The following FOXJ3 variants were observed in gnomAD, a reference collection of about 807,000 sequenced individuals.
The protein encoded by FOXJ3 is forkhead box protein J3.
In FOXJ3, 22 loss-of-function variants were observed where a neutral mutation model predicts 76.1. The ratio of observed to expected loss-of-function variants is 0.29; its 90% CI spans 0.21 to 0.41. The LOEUF (loss-of-function observed/expected upper bound fraction) is 0.41, where lower values mean the gene tolerates loss of function less well. Among genes scored for constraint, FOXJ3 ranks in the 10% least tolerant of loss-of-function variants. The pLI, the probability that FOXJ3 is intolerant of heterozygous loss-of-function variation, is 1.00. For missense variants in FOXJ3, 613 were observed against 762.1 expected, an observed-to-expected ratio of 0.80 and a Z score of 2.30; for synonymous variants, 269 against 261.2, an observed-to-expected ratio of 1.03 and a Z score of -0.29.
At chr1:42,317,558 T>C (rs1411412592) in intron 1 of FOXJ3, among the ~76,000 whole-genome samples, 1 of 141,026 alleles carries the variant, frequency 7.1e-6, no homozygotes, top group African/African-American at 2.6e-5. Flanking sequence ...GGACTGCAGA[T>C]AGCAGCAAGT....
chr1:42,288,592 T>C (rs1274282122), intron 2 of FOXJ3, among the ~76,000 whole-genome samples: 1 of 152,218 alleles, frequency 6.6e-6, no homozygotes, highest in African/African-American at 2.4e-5. Context: ...CAGTTTAAGC[T>C]GCTATATGTG....
At chr1:42,309,336 C>T (rs764843023) in intron 2 of FOXJ3, among the ~76,000 whole-genome samples, 1 of 152,160 alleles carries the variant, frequency 6.6e-6, no homozygotes, top group Non-Finnish European at 1.5e-5. Flanking sequence ...TTCCTGCACT[C>T]CCTCTGTGCC....
chr1:42,179,617 G>A lies in FOXJ3; in HGVS notation c.*93C>T. On this transcript the variant is annotated 3_prime_UTR_variant, in exon 13 of 13. Transcript: ENST00000361346. ...TTTGATAACATTGGTAAAGTGATTA[G>A]CAAGTTTGTTTTCTCAACTGGATTC... is the stretch of plus-strand genomic sequence containing the variant. 1.4e-6 allele frequency: 1 copy of A among 739,740 alleles called. No individual in the cohort carries two copies. Among genetic ancestry groups the A allele is most frequent in the Non-Finnish European group, 2.4e-6 (1 of 423,910 alleles). The allele number at this position is 739,740 out of a possible 1,614,324, so 45.8% of individuals were successfully genotyped here. A position where few individuals can be genotyped will look rare whatever the true frequency, so the allele number is the denominator to read the frequency against.
intron 5 of FOXJ3, among the ~76,000 whole-genome samples, chr1:42,224,471 G>A (rs1317192325): frequency 6.6e-6 from 1 of 152,002 alleles, no homozygotes; most frequent in African/African-American, 2.4e-5. Flanking sequence ...TGGCCAACAT[G>A]ATGAAACCCC....
rs1161062102 is a variant in FOXJ3 at position 42,222,046 on chromosome 1, GAGAAGAAGA to G, written c.528+5828_528+5836del. Among the ~76,000 whole-genome samples, 75 of 9,022 alleles carry G rather than the reference GAGAAGAAGA, an allele frequency of 8.3e-3. 2 individuals are homozygous for G. Among genetic ancestry groups the G allele is most frequent in the Middle Eastern group, 0.12 (1 of 8 alleles). 5.9% of individuals were successfully genotyped at this position (9,022 alleles called of 152,430 possible). A position where few individuals can be genotyped will look rare whatever the true frequency, so the allele number is the denominator to read the frequency against. On this transcript the variant is annotated intron_variant, in intron 5 of 12. Transcript: ENST00000361346. ...GGGGGAGGGGGAGGAGAAGGAGAAG[GAGAAGAAGA>G]AGAAGAAGAAGAAGAAGAAGAAGAA...
At chr1:42,309,018 A>AAAAAAAAAAC (rs1654640650) in intron 2 of FOXJ3, among the ~76,000 whole-genome samples, 1 of 151,520 alleles carries the variant, frequency 6.6e-6, no homozygotes, top group African/African-American at 2.4e-5. Context: ...AAAAAAAAAA[A>AAAAAAAAAAC]TGCTTTTCTA....
At chr1:42,333,654 C>T (rs1656291186) in intron 1 of FOXJ3, among the ~76,000 whole-genome samples, 1 of 151,916 alleles carries the variant, frequency 6.6e-6, no homozygotes, top group Non-Finnish European at 1.5e-5. Context: ...ACTGTTATTG[C>T]GGGAACAATC....
intron 1 of FOXJ3, among the ~76,000 whole-genome samples, chr1:42,312,382 T>G (rs1289720752): frequency 6.6e-6 from 1 of 152,248 alleles, no homozygotes; most frequent in East Asian, 1.9e-4. Flanking sequence ...CTAAATACTA[T>G]GTAGGCCAAA....
intron 1 of FOXJ3, among the ~76,000 whole-genome samples, chr1:42,318,138 T>G (rs920562109): frequency 6.6e-6 from 1 of 152,188 alleles, no homozygotes; most frequent in African/African-American, 2.4e-5. Flanking sequence ...ACTTTATCTC[T>G]AAGCAATTTA....
intron 1 of FOXJ3, among the ~76,000 whole-genome samples, chr1:42,322,995 C>T (rs571085534): frequency 5.3e-5 from 8 of 152,164 alleles, no homozygotes; most frequent in Non-Finnish European, 8.8e-5. Flanking sequence ...ATGTTCTGTT[C>T]TGAACACCAC....
intron 1 of FOXJ3, among the ~76,000 whole-genome samples, chr1:42,329,590 G>C (rs1226438092): frequency 6.6e-6 from 1 of 152,214 alleles, no homozygotes; most frequent in Non-Finnish European, 1.5e-5. Flanking sequence ...AGCTTTAGCT[G>C]TCTCAAGCCA....
At chr1:42,231,798 G>T (rs144617078) in intron 4 of FOXJ3, among the ~76,000 whole-genome samples, 1 of 151,764 alleles carries the variant, frequency 6.6e-6, no homozygotes, top group African/African-American at 2.4e-5. Flanking sequence ...CCACCCCCAC[G>T]CCTGTTTTTG....
At chr1:42,202,743 C>T (rs898734014) in intron 6 of FOXJ3, among the ~76,000 whole-genome samples, 1 of 152,098 alleles carries the variant, frequency 6.6e-6, no homozygotes, top group African/African-American at 2.4e-5. Context: ...GCCATGTTGG[C>T]CAGGCTGGTC....
chr1:42,308,261 C>T (rs557418939), intron 2 of FOXJ3, among the ~76,000 whole-genome samples: 1 of 152,226 alleles, frequency 6.6e-6, no homozygotes, highest in Admixed American at 6.5e-5. Flanking sequence ...GGCAAACAAG[C>T]AGTGTTTGTC....
intron 12 of FOXJ3, 52 bp downstream of exon 12, chr1:42,181,865 T>A (rs1646327902): frequency 1.0e-5 from 10 of 963,890 alleles, no homozygotes; most frequent in East Asian, 2.7e-5. Flanking sequence ...CCTGGAGTGC[T>A]CACACACACA....
Position 42,191,585 on chromosome 1 carries a change from G to A in FOXJ3, c.1069C>T (p.Leu357Phe). ...ACCGAATTACTGCCTGTGGTGTTGA[G>A]GCCACTGCCATGACTGTTGGACAGG... ...SSLSNSHGSG[L>F]NTTGSNSVAQ... is the part of the protein sequence containing the mutation. Residue 357 changes from leucine (L) to phenylalanine (F), a missense_variant, in exon 9 of 13, where the codon CTC becomes TTC. Leu to Phe is a conservative substitution (Grantham distance 22). Coordinates refer to ENST00000361346, the MANE Select transcript of FOXJ3 (RefSeq NM_014947.5). 3.7e-6 allele frequency: 6 copies of A among 1,614,178 alleles called. No homozygotes were observed. Among genetic ancestry groups the A allele is most frequent in the Non-Finnish European group, 5.1e-6 (6 of 1,180,022 alleles).
At chr1:42,321,992 GT>G (rs1055528809) in intron 1 of FOXJ3, among the ~76,000 whole-genome samples, 28 of 152,052 alleles carry the variant, frequency 1.8e-4, no homozygotes, top group African/African-American at 6.7e-4. Context: ...GAATTAACTT[GT>G]TATCTCCCAT....
intron 2 of FOXJ3, among the ~76,000 whole-genome samples, chr1:42,285,359 A>G (rs1381797943): frequency 6.6e-6 from 1 of 151,990 alleles, no homozygotes; most frequent in African/African-American, 2.4e-5. Flanking sequence ...ATTCCATGGC[A>G]CCAAAACAAG....
intron 2 of FOXJ3, among the ~76,000 whole-genome samples, chr1:42,283,732 G>C (rs1428510428): frequency 1.3e-5 from 2 of 152,098 alleles, no homozygotes; most frequent in Non-Finnish European, 1.5e-5. Context: ...GAATTATTCC[G>C]ATCTCATGCA....
Sources: gnomAD v4.1 joint callset for allele counts (sites outside exome capture counted in the v4.1 genomes callset) on GRCh38, gnomAD v4.1.1 for gene constraint, MANE v1.5 for transcripts, NCBI Gene and HGNC (gene_info 2026-07-23, HGNC 2026-07-21) for gene names.